Variants in PKD1 observed in about 807,000 individuals in gnomAD.
PKD1 encodes polycystin 1, transient receptor potential channel interacting.
PKD1 carries 81 observed loss-of-function variants against 361.7 expected under a neutral mutation model. That is an observed-to-expected ratio of 0.22 (90% confidence interval 0.19 to 0.27). PKD1 has a LOEUF of 0.27. Ranked by LOEUF, PKD1 falls within the 10% of genes least tolerant of loss-of-function variation. The pLI is 1.00. For synonymous variants in PKD1, 3,615 were observed against 2,818.3 expected, an observed-to-expected ratio of 1.28 and a Z score of -8.95; for missense variants, 6,399 against 6,118.3, an observed-to-expected ratio of 1.05 and a Z score of -1.53.
intron 22 of PKD1, among the ~76,000 whole-genome samples, chr16:2,104,180 G>A (rs1303841355): frequency 5.8e-4 from 10 of 17,340 alleles, no homozygotes; most frequent in African/African-American, 3.5e-3. Flanking sequence ...GGAGCAGGGG[G>A]AAAGGGAGGG....
chr16:2,101,371 G>C (rs2092089645), intron 26 of PKD1, among the ~76,000 whole-genome samples: 2 of 152,132 alleles, frequency 1.3e-5, no homozygotes, highest in Admixed American at 1.3e-4. Flanking sequence ...AACACAGCCA[G>C]GTGTGGTGGC....
rs931789730 is a variant in PKD1 at position 2,113,444 on chromosome 16, C to T, written c.2854-152G>A. The T allele has an allele frequency of 7.1e-5, 65 of 917,312 alleles. No individual in the cohort carries two copies. The Middle Eastern group carries it at 1.7e-3, about 24-fold the overall frequency. The allele number at this position is 917,312 out of a possible 1,614,324, so 56.8% of individuals were successfully genotyped here. ...GGCTCTGCATGCCATGGGAGCCAAG[C>T]CCGGGCTGGGACACTCACTGTCCGG... On this transcript the variant is annotated intron_variant, in intron 11 of 45. Transcript: ENST00000262304.
At chr16:2,097,665 C>T in intron 32 of PKD1, 63 bp downstream of exon 32, 3 of 1,610,758 alleles carry the variant, frequency 1.9e-6, no homozygotes, top group Non-Finnish European at 2.5e-6. Flanking sequence ...GCAGCCCGCA[C>T]ACCCCCGGCA....
At position 2,108,450 on chromosome 16, in the gene PKD1, C is replaced by T. The variant is rs772969034; in HGVS notation, c.6717G>A (p.Thr2239=). The T allele has an allele frequency of 1.9e-5, 30 of 1,610,324 alleles. No homozygotes were observed. Among genetic ancestry groups the T allele is most frequent in the Middle Eastern group, 2.2e-4 (1 of 4,452 alleles). ...TGGCCTGGATGCTCTGTGTCAGTGG[C>T]GTGTCCCCAAATGACACGACAAACA... The part of the protein sequence containing the change: ...CFVFVVSFGD[T]PLTQSIQANV... The change falls in exon 15 of 46, where the codon ACG becomes ACA. Residue 2239 remains threonine (T), a synonymous_variant. Transcript: ENST00000262304.
rs115538130 is a variant in PKD1 at position 2,090,179 on chromosome 16, G to A, written c.12460C>T (p.Arg4154Cys). ...SKVKEFRHKV[R>C]FEGMEPLPSR... ...GGCAGCGGCTCCATCCCTTCAAAGCGGACTTTGTGGCGGAACTGGGGGCGG... is the reference window on the plus strand; with the variant it reads ...GGCAGCGGCTCCATCCCTTCAAAGCAGACTTTGTGGCGGAACTGGGGGCGG... Residue 4154 changes from arginine to cysteine, a missense_variant, in exon 46 of 46, where the codon CGC (arginine) becomes TGC (cysteine). By Grantham distance (180) the Arg-to-Cys change is radical. Transcript: ENST00000262304. The A allele has an allele frequency of 5.9e-4, 951 of 1,602,748 alleles. 6 individuals carry two copies. The highest frequency in any genetic ancestry group is 5.2e-3 in the African/African-American group (389 of 74,892).
In PKD1 at chr16:2,117,463, G is replaced by A. The variant is rs376973904; in HGVS notation, c.1385+26C>T. ...TGCTTCAGAGATCTCCCAACCTATG[G>A]CCCCTCGGGGGGTGGGGGCAGGCAC... On this transcript the variant is annotated intron_variant, in intron 6 of 45. Transcript: ENST00000262304. 4.1e-3 allele frequency: 5,773 copies of A among 1,408,924 alleles called. 53 individuals carry two copies. The highest frequency in any genetic ancestry group is 0.024 in the South Asian group (1,918 of 78,366). 87.3% of individuals were successfully genotyped at this position (1,408,924 alleles called of 1,614,324 possible). A position where few individuals can be genotyped will look rare whatever the true frequency, so the allele number is the denominator to read the frequency against.
intron 1 of PKD1, among the ~76,000 whole-genome samples, chr16:2,129,602 G>A (rs2092844029): frequency 7.0e-6 from 1 of 142,914 alleles, no homozygotes. Context: ...CCAGCCTGGA[G>A]TGCAGTGGTG....
intron 1 of PKD1, among the ~76,000 whole-genome samples, chr16:2,121,389 A>G (rs1188550827): frequency 6.6e-6 from 1 of 152,120 alleles, no homozygotes; most frequent in East Asian, 1.9e-4. Context: ...AATAAAAAAA[A>G]AAAGGATGGA....
chr16:2,116,223 G>A lies in PKD1; in HGVS notation c.1723-105C>T. Reference sequence around the variant, plus strand: ...GGAAGAGGGGAGGGAAGGAGAGCGAGCCATCAGACCCCCACAGGCCTGGCT... The same window carrying A: ...GGAAGAGGGGAGGGAAGGAGAGCGAACCATCAGACCCCCACAGGCCTGGCT... On this transcript the variant is annotated intron_variant, in intron 8 of 45. Coordinates refer to ENST00000262304, the MANE Select transcript of PKD1 (RefSeq NM_001009944.3). 7 of 1,227,158 alleles carry A rather than the reference G, an allele frequency of 5.7e-6. No homozygotes were observed. The South Asian group carries it at 9.0e-5, about 16-fold the overall frequency. 76.0% of individuals were successfully genotyped at this position (1,227,158 alleles called of 1,614,324 possible). A position where few individuals can be genotyped will look rare whatever the true frequency, so the allele number is the denominator to read the frequency against.
rs1265262304 is a variant in PKD1, at chr16:2,099,904, C to T, written c.9880G>A (p.Ala3294Thr). ...CVLLICLFLG[A>T]NAVWYGAVGD... The stretch of plus-strand genomic sequence containing the variant: ...ACAGCCCCGTACCACACGGCGTTGG[C>T]GCCCAGGAAGAGGCAGATGAGGAGA... The change falls in exon 29 of 46, where the codon GCC (alanine) becomes ACC (threonine). Residue 3294 changes from alanine to threonine, a missense_variant. Ala to Thr is a moderately conservative substitution (Grantham distance 58, BLOSUM62 0). Transcript: ENST00000262304. The T allele has an allele frequency of 1.1e-5, 18 of 1,567,342 alleles. No homozygotes were observed. Among genetic ancestry groups the T allele is most frequent in the African/African-American group, 2.7e-5 (2 of 73,882 alleles).
rs1342901499 is a variant in PKD1, at chr16:2,100,302, G to A, written c.9576C>T (p.Ser3192=). 2 of 1,610,612 alleles carry A rather than the reference G, an allele frequency of 1.2e-6. No individual in the cohort carries two copies. Among genetic ancestry groups the A allele is most frequent in the Admixed American group, 1.7e-5 (1 of 60,002 alleles). The change falls in exon 28 of 46, where the codon AGC becomes AGT. Residue 3192 remains serine, a synonymous_variant. Coordinates refer to ENST00000262304, the MANE Select transcript of PKD1 (RefSeq NM_001009944.3). This position sits in a 1 kb window ranked among gnomAD's most constrained non-coding sequence, Gnocchi z 4.4. ...IRVWHDNKGL[S]PAWFLQHVIV... is the part of the protein sequence containing the mutation. ...TGACGTGCTGCAGGAACCAGGCAGG[G>A]CTGAGCCCTGCAGAGGCGCAGGAGG...
intron 20 of PKD1, 36 bp from the exon 21 acceptor site, chr16:2,105,510 G>A (rs775334410): frequency 1.9e-6 from 3 of 1,595,172 alleles, no homozygotes; most frequent in African/African-American, 2.7e-5. Flanking sequence ...GCTGTCAGCA[G>A]CGCAGGAGGC....
rs934097985 is a variant in PKD1 at position 2,103,457 on chromosome 16, G to A, written c.8600C>T (p.Ala2867Val). ...AGAQIPIERL[A>V]SERAITVKVP... ...CTTCACGGTGATGGCGCGCTCTGAGGCCAGCCGCTCGATGGGGATCTGGGC... is the reference window on the plus strand; with the variant it reads ...CTTCACGGTGATGGCGCGCTCTGAGACCAGCCGCTCGATGGGGATCTGGGC... Residue 2867 changes from alanine (A) to valine (V), a missense_variant, in exon 23 of 46, where the codon GCC (alanine) becomes GTC (valine). Ala to Val is a moderately conservative substitution (Grantham distance 64). Transcript: ENST00000262304. 1.3e-6 allele frequency: 2 copies of A among 1,599,852 alleles called. No homozygotes were observed. The highest frequency in any genetic ancestry group is 8.5e-7 in the Non-Finnish European group (1 of 1,179,574).
chr16:2,090,884 C>T lies in PKD1; in HGVS notation c.12003G>A (p.Lys4001=). Residue 4001 remains lysine (K), a splice_region_variant and synonymous_variant, in exon 43 of 46, where the codon AAG becomes AAA. Transcript: ENST00000262304. ...AASLLFLLLV[K]AAQQLRFVRQ... is the part of the protein sequence containing the mutation. Reference sequence around the variant, plus strand: ...CCGCGCCCACCGGCCCAGCCCTCACCTTGACCAAAAGCAGGAAGAGCAGCG... The same window carrying T: ...CCGCGCCCACCGGCCCAGCCCTCACTTTGACCAAAAGCAGGAAGAGCAGCG... 6.2e-7 allele frequency: 1 copy of T among 1,604,168 alleles called. No homozygotes were observed. Among genetic ancestry groups the T allele is most frequent in the Non-Finnish European group, 8.5e-7 (1 of 1,179,480 alleles).
chr16:2,130,605 G>A (rs1464013004), intron 1 of PKD1, among the ~76,000 whole-genome samples: 4 of 152,220 alleles, frequency 2.6e-5, no homozygotes, highest in African/African-American at 9.7e-5. Context: ...ACCAGAAATG[G>A]GAGCCAGGGG....
rs1484469268 is a variant in PKD1 at position 2,111,258 on chromosome 16, G to A, written c.3909C>T (p.Ala1303=). Reference sequence around the variant, plus strand: ...GCGCGTCAGGCTGCGTGGGGATGCAGGCGGCGGGTTCAACGCGCAGCACCT... The same window carrying A: ...GCGCGTCAGGCTGCGTGGGGATGCAAGCGGCGGGTTCAACGCGCAGCACCT... The part of the protein sequence containing the change: ...VLEVLRVEPA[A]CIPTQPDARL... Residue 1303 remains alanine (A), a synonymous_variant, in exon 15 of 46, where the codon GCC becomes GCT. Coordinates refer to ENST00000262304, the MANE Select transcript of PKD1 (RefSeq NM_001009944.3). 6.8e-6 allele frequency: 11 copies of A among 1,610,322 alleles called. No homozygotes were observed. Among genetic ancestry groups the A allele is most frequent in the East Asian group, 4.5e-5 (2 of 44,856 alleles).
chr16:2,111,495 C>T lies in PKD1; in HGVS notation c.3672G>A (p.Glu1224=), dbSNP rs1433488545. The part of the protein sequence containing the change: ...GLSVDMSLAV[E]QGAPVVVSAA... ...CGCTGACCACCACGGGGGCGCCCTG[C>T]TCCACGGCCAGGCTCATGTCCACGC... Residue 1224 remains glutamate (E), a synonymous_variant, in exon 15 of 46, where the codon GAG becomes GAA. Coordinates refer to ENST00000262304, the MANE Select transcript of PKD1 (RefSeq NM_001009944.3). The T allele has an allele frequency of 6.2e-7, 1 of 1,611,120 alleles. No individual in the cohort carries two copies. Among genetic ancestry groups the T allele is most frequent in the African/African-American group, 1.3e-5 (1 of 75,026 alleles).
chr16:2,097,261 A>G lies in PKD1; in HGVS notation c.10406-20T>C. ...CTTCATCTAGAGGTACAGGAGGCATAGGGTGGGCCCAGCTGCAAGGGTGAG... is the reference window on the plus strand; with the variant it reads ...CTTCATCTAGAGGTACAGGAGGCATGGGGTGGGCCCAGCTGCAAGGGTGAG... On this transcript the variant is annotated intron_variant, in intron 33 of 45. Coordinates refer to ENST00000262304, the MANE Select transcript of PKD1 (RefSeq NM_001009944.3). 13 of 1,601,242 alleles carry G rather than the reference A, an allele frequency of 8.1e-6. No homozygotes were observed. Among genetic ancestry groups the G allele is most frequent in the Non-Finnish European group, 1.1e-5 (13 of 1,174,218 alleles).
chr16:2,122,034 GCA>G (rs1596601041), intron 1 of PKD1, among the ~76,000 whole-genome samples: 2 of 152,256 alleles, frequency 1.3e-5, no homozygotes, highest in African/African-American at 2.4e-5. Context: ...CAGGAGAGAC[GCA>G]CACACAGGCT....
Sources: allele counts gnomAD v4.1 joint callset (sites outside exome capture counted in the v4.1 genomes callset), GRCh38; gene constraint gnomAD v4.1.1; non-coding constraint Gnocchi (gnomAD v3.1); transcripts MANE v1.5; gene names NCBI Gene and HGNC (gene_info 2026-07-23, HGNC 2026-07-21).